Variants in STK10 observed in about 807,000 individuals in gnomAD.
The protein encoded by STK10 is serine/threonine-protein kinase 10.
STK10 carries 78 observed loss-of-function variants against 113.8 expected under a neutral mutation model. The ratio of observed to expected loss-of-function variants is 0.69; its 90% CI spans 0.57 to 0.83. The LOEUF is 0.83. Ranked by LOEUF, STK10 falls within the 40% of genes least tolerant of loss-of-function variation. STK10 has a pLI of 0.00. For missense variants in STK10, 1,109 were observed against 1,280.1 expected (o/e 0.87, Z 2.04); for synonymous variants, 465 against 494.7 (o/e 0.94, Z 0.80).
chr5:172,074,125 C>T (rs1243032508), intron 12 of STK10, among the ~76,000 whole-genome samples: 1 of 152,134 alleles, frequency 6.6e-6, no homozygotes, highest in Non-Finnish European at 1.5e-5. Context: ...TCTCTCCACA[C>T]TGATCTATGA....
Position 172,106,726 on chromosome 5 carries a change from T to A in STK10, c.682A>T (p.Ile228Phe). 1 of 1,614,106 alleles carries A rather than the reference T, an allele frequency of 6.2e-7. No homozygotes were observed. Residue 228 changes from isoleucine to phenylalanine, a missense_variant, in exon 6 of 19, where the codon ATT becomes TTT. Transcript: ENST00000176763. ...GGCGGCTCGATCTGGGCCATCTCAA[T>A]CAGCGTGATGCCCAGGGACCAGATG... The part of the protein sequence containing the change: ...ADIWSLGITL[I>F]EMAQIEPPHH...
At chr5:172,145,867 C>T (rs558632599) in intron 2 of STK10, among the ~76,000 whole-genome samples, 1 of 152,322 alleles carries the variant, frequency 6.6e-6, no homozygotes, top group East Asian at 1.9e-4. Flanking sequence ...CATGTCCATG[C>T]TGTGTCCGTG....
At chr5:172,165,747 C>G (rs921793459) in intron 1 of STK10, among the ~76,000 whole-genome samples, 3 of 151,864 alleles carry the variant, frequency 2.0e-5, no homozygotes, top group Non-Finnish European at 4.4e-5. Flanking sequence ...GGCAGGCCAA[C>G]AGGGTCGTGC....
chr5:172,179,260 G>C (rs1770809887), intron 1 of STK10, among the ~76,000 whole-genome samples: 2 of 152,168 alleles, frequency 1.3e-5, no homozygotes, highest in African/African-American at 2.4e-5. Context: ...AGGTTCAGAG[G>C]AGGAGGTGGT....
rs777699775 is a variant in STK10, at chr5:172,055,635, T to C, written c.2479A>G (p.Ile827Val). 7 of 1,566,096 alleles carry C rather than the reference T, an allele frequency of 4.5e-6. No individual in the cohort carries two copies. In the Admixed American group the frequency reaches 9.4e-5, roughly 21 times the overall value. The change falls in exon 16 of 19, where the codon ATC becomes GTC. Residue 827 changes from isoleucine (I) to valine (V), a missense_variant. Ile to Val is a conservative substitution (Grantham distance 29, BLOSUM62 3). Coordinates refer to ENST00000176763, the MANE Select transcript of STK10 (RefSeq NM_005990.4). ...TCAGCTGCGCTGCCCCCGCCGTTGATGTGGAGGCTCTTCTTGTACATGGCC... is the reference window on the plus strand; with the variant it reads ...TCAGCTGCGCTGCCCCCGCCGTTGACGTGGAGGCTCTTCTTGTACATGGCC... ...RMAMYKKSLH[I>V]NGGGSAAEQR...
intron 7 of STK10, among the ~76,000 whole-genome samples, chr5:172,100,187 C>T (rs1266412241): frequency 1.3e-5 from 2 of 152,202 alleles, no homozygotes; most frequent in East Asian, 1.9e-4. Context: ...AGAGAGATAA[C>T]GCCCTGGCTA....
At chr5:172,127,573 C>G in intron 2 of STK10, 152 bp from the exon 3 acceptor site, 2 of 724,130 alleles carry the variant, frequency 2.8e-6, no homozygotes, top group Non-Finnish European at 4.5e-6. Context: ...GGGAGCCCGT[C>G]CCCCTCCCCC....
chr5:172,095,619 GC>G (rs1768831338), intron 8 of STK10, among the ~76,000 whole-genome samples: 1 of 152,248 alleles, frequency 6.6e-6, no homozygotes, highest in African/African-American at 2.4e-5. Flanking sequence ...CGCTTGCCCT[GC>G]CCTTCGGGCT....
At position 172,133,958 on chromosome 5, in the gene STK10, G is replaced by A. The variant is rs958542785; in HGVS notation, c.322-6537C>T. ...GTTCAGCAGAGTGCTTGTTAAAACA[G>A]ATCACTGGGTCCCACTCCAGAGCTT... On this transcript the variant is annotated intron_variant, in intron 2 of 18. Transcript: ENST00000176763. The surrounding 1 kb of genome is among the most constrained non-coding windows in gnomAD (Gnocchi z 4.9). 1.3e-5 allele frequency among the ~76,000 whole-genome samples: 2 copies of A among 152,166 alleles called. No homozygotes were observed. Among genetic ancestry groups the A allele is most frequent in the Non-Finnish European group, 2.9e-5 (2 of 68,038 alleles).
chr5:172,143,258 C>A (rs929605817), intron 2 of STK10, among the ~76,000 whole-genome samples: 1 of 152,140 alleles, frequency 6.6e-6, no homozygotes, highest in South Asian at 2.1e-4. Context: ...CCCAGCTACT[C>A]GGGAGGCTGA....
intron 10 of STK10, 42 bp downstream of exon 10, chr5:172,090,190 C>G: frequency 6.2e-7 from 1 of 1,609,774 alleles, no homozygotes; most frequent in Non-Finnish European, 8.5e-7. Context: ...CTTACCATAG[C>G]CCCACCCTGT....
At chr5:172,064,837 G>C (rs1287755785) in intron 12 of STK10, 25 bp from the exon 13 acceptor site, 2 of 1,612,096 alleles carry the variant, frequency 1.2e-6, no homozygotes, top group African/African-American at 1.3e-5. Context: ...GCAGAGAGTA[G>C]CTGGGTCAGG....
intron 2 of STK10, among the ~76,000 whole-genome samples, chr5:172,136,282 G>C (rs2113796441): frequency 6.6e-6 from 1 of 152,252 alleles, no homozygotes; most frequent in African/African-American, 2.4e-5. Flanking sequence ...TAACTTCTAA[G>C]GAGACTGAAC....
At chr5:172,165,754 G>A (rs1417389784) in intron 1 of STK10, among the ~76,000 whole-genome samples, 8 of 151,250 alleles carry the variant, frequency 5.3e-5, no homozygotes, top group Admixed American at 5.3e-4. Context: ...CAACAGGGTC[G>A]TGCCTGGGTG....
In STK10 at chr5:172,082,291, C is replaced by T. The variant is rs770182106; in HGVS notation, c.1989+35G>A. 10 of 1,476,446 alleles carry T rather than the reference C, an allele frequency of 6.8e-6. No individual in the cohort carries two copies. In the South Asian group the frequency reaches 8.5e-5, roughly 13 times the overall value. The allele number at this position is 1,476,446 out of a possible 1,614,324, so 91.5% of individuals were successfully genotyped here. On this transcript the variant is annotated intron_variant, in intron 12 of 18. Coordinates refer to ENST00000176763, the MANE Select transcript of STK10 (RefSeq NM_005990.4). This position sits in a 1 kb window ranked among gnomAD's most constrained non-coding sequence, Gnocchi z 4.3. ...GCAACCAAGAAGGCCCCTAATACTC[C>T]GAGATGCCCCTGCCCCCACTGAGCA...
chr5:172,055,805 G>A, intron 15 of STK10, 29 bp from the exon 16 acceptor site: 4 of 1,434,242 alleles, frequency 2.8e-6, no homozygotes, highest in South Asian at 3.2e-5. Context: ...AGGGGCTGAG[G>A]GCAGCTGCAC....
intron 1 of STK10, among the ~76,000 whole-genome samples, chr5:172,172,409 A>T (rs559381527): frequency 4.6e-5 from 7 of 152,188 alleles, no homozygotes; most frequent in African/African-American, 1.2e-4. Context: ...AAATGGCAGG[A>T]CCAAGCTATA....
rs1425764617 is a variant in STK10 at position 172,106,963 on chromosome 5, T to G, written c.594-149A>C. On this transcript the variant is annotated intron_variant, in intron 5 of 18. Transcript: ENST00000176763. ...TGCGTGACTTTGCATCCCACTGTCT[T>G]CCTTAGGACGCTCTTCCACAGAAAA... 7.1e-6 allele frequency: 5 copies of G among 707,872 alleles called. No individual in the cohort carries two copies. The South Asian group carries it at 8.2e-5, about 12-fold the overall frequency. 43.8% of individuals were successfully genotyped at this position (707,872 alleles called of 1,614,324 possible).
In STK10 at chr5:172,044,970, T is replaced by A. The variant is rs1767467631; in HGVS notation, c.2819A>T (p.Lys940Met). The A allele has an allele frequency of 6.2e-7, 1 of 1,614,092 alleles. No individual in the cohort carries two copies. The highest frequency in any genetic ancestry group is 1.1e-5 in the South Asian group (1 of 91,090). Residue 940 changes from lysine (K) to methionine (M), a missense_variant, in exon 19 of 19, where the codon AAG (lysine) becomes ATG (methionine). By Grantham distance (95) the Lys-to-Met change is moderately conservative. Coordinates refer to ENST00000176763, the MANE Select transcript of STK10 (RefSeq NM_005990.4). This position sits in a 1 kb window ranked among gnomAD's most constrained non-coding sequence, Gnocchi z 4.5. ...QKKREQEMFF[K>M]LSEEAECPNP... ...TGGGCACTCCGCCTCCTCGCTCAGC[T>A]TGAAGAACATCTCCTGCTCCCGCTT... is the stretch of plus-strand genomic sequence containing the variant.
Sources: allele counts gnomAD v4.1 joint callset (sites outside exome capture counted in the v4.1 genomes callset), GRCh38; gene constraint gnomAD v4.1.1; non-coding constraint Gnocchi (gnomAD v3.1); transcripts MANE v1.5; gene names NCBI Gene and HGNC (gene_info 2026-07-23, HGNC 2026-07-21).